CTNNA3: variants seen among roughly 807,000 people sequenced by gnomAD.
CTNNA3 encodes catenin alpha 3.
A neutral mutation model predicts 95.7 loss-of-function variants in CTNNA3; 76 were observed. The ratio of observed to expected loss-of-function variants is 0.79; its 90% CI spans 0.66 to 0.96. The LOEUF is 0.96. CTNNA3 is among the 40% of genes least tolerant of loss of function. The probability of loss-of-function intolerance (pLI) is 0.00; values close to 1 mark genes in which losing one functional copy is unlikely to be tolerated. For missense variants in CTNNA3, 1,191 were observed against 1,089.8 expected, an observed-to-expected ratio of 1.09 and a Z score of -1.31; for synonymous variants, 431 against 374.4, an observed-to-expected ratio of 1.15 and a Z score of -1.74.
chr10:66,737,939 G>A (rs956383748), intron 9 of CTNNA3, among the ~76,000 whole-genome samples: 1 of 152,178 alleles, frequency 6.6e-6, no homozygotes, highest in Non-Finnish European at 1.5e-5. Flanking sequence ...TTACAGGCAT[G>A]AGCCATCGCG....
chr10:66,622,469 A>G (rs1844783812), intron 9 of CTNNA3, among the ~76,000 whole-genome samples: 1 of 152,114 alleles, frequency 6.6e-6, no homozygotes, highest in Non-Finnish European at 1.5e-5. Flanking sequence ...ACCTAAATCC[A>G]AGGTTTACAA....
rs140150137 is a variant in CTNNA3 at position 67,609,913 on chromosome 10, T to A, written c.100-2864A>T. On this transcript the variant is annotated intron_variant, in intron 2 of 17. Coordinates refer to ENST00000433211, the MANE Select transcript of CTNNA3 (RefSeq NM_013266.4). ...AGCTAAATAAGATCATGTGTCTTCA[T>A]CATGGATTATATAAGAATAATAATA... Among the ~76,000 whole-genome samples, 93 of 152,328 alleles carry A rather than the reference T, an allele frequency of 6.1e-4. 2 individuals carry two copies. Among genetic ancestry groups the A allele is most frequent in the African/African-American group, 2.1e-3 (88 of 41,568 alleles).
chr10:66,780,573 T>C (rs1840493194), intron 7 of CTNNA3, among the ~76,000 whole-genome samples: 1 of 152,194 alleles, frequency 6.6e-6, no homozygotes, highest in Non-Finnish European at 1.5e-5. Context: ...AGGATGATGA[T>C]TTCAGCCTGG....
chr10:67,444,639 C>G (rs931645587), intron 5 of CTNNA3, among the ~76,000 whole-genome samples: 1 of 151,808 alleles, frequency 6.6e-6, no homozygotes, highest in Non-Finnish European at 1.5e-5. Flanking sequence ...ACAAAATTGA[C>G]AAACTTTTAG....
At chr10:66,668,769 A>G (rs1181535986) in intron 9 of CTNNA3, among the ~76,000 whole-genome samples, 1 of 151,964 alleles carries the variant, frequency 6.6e-6, no homozygotes, top group Non-Finnish European at 1.5e-5. Flanking sequence ...CTGAGATGGC[A>G]CCACTGCACT....
chr10:66,029,983 A>T (rs2133453511), intron 15 of CTNNA3, among the ~76,000 whole-genome samples: 1 of 152,314 alleles, frequency 6.6e-6, no homozygotes, highest in Middle Eastern at 3.4e-3. Flanking sequence ...AGGCAATTGA[A>T]CAAAGCATGA....
Position 67,180,338 on chromosome 10 carries a change from C to G in CTNNA3, c.1026G>C (p.Leu342=). The G allele has an allele frequency of 6.2e-7, 1 of 1,613,434 alleles. No individual in the cohort carries two copies. The highest frequency in any genetic ancestry group is 8.5e-7 in the Non-Finnish European group (1 of 1,179,846). The stretch of plus-strand genomic sequence containing the variant: ...CTACGTTGTTCATGTACTCTGAAAG[C>G]AGATCCTGAAGAGCCTGGCGAATGG... The part of the protein sequence containing the change: ...CNAIRQALQD[L]LSEYMNNAGK... The change falls in exon 7 of 18, where the codon CTG becomes CTC. Residue 342 remains leucine, a synonymous_variant. Coordinates refer to ENST00000433211, the MANE Select transcript of CTNNA3 (RefSeq NM_013266.4).
intron 13 of CTNNA3, among the ~76,000 whole-genome samples, chr10:66,148,083 C>G (rs979717591): frequency 6.6e-6 from 1 of 151,776 alleles, no homozygotes; most frequent in Non-Finnish European, 1.5e-5. Context: ...CCTTATTGCT[C>G]AAATATTTTC....
chr10:67,136,729 T>C (rs1860323788), intron 7 of CTNNA3, among the ~76,000 whole-genome samples: 1 of 152,144 alleles, frequency 6.6e-6, no homozygotes, highest in African/African-American at 2.4e-5. Context: ...CTGAACTTCC[T>C]CAAAAAAGAA....
At chr10:67,732,585 T>A (rs1035254185) in intron 1 of CTNNA3, among the ~76,000 whole-genome samples, 2 of 152,154 alleles carry the variant, frequency 1.3e-5, no homozygotes, top group African/African-American at 4.8e-5. Context: ...TCAGAGCTCA[T>A]CAGTAATAGA....
intron 7 of CTNNA3, among the ~76,000 whole-genome samples, chr10:66,894,733 T>C (rs1456950852): frequency 1.3e-5 from 2 of 152,006 alleles, no homozygotes; most frequent in Non-Finnish European, 2.9e-5. Context: ...GATTACATTG[T>C]AGATTTTTTC....
At chr10:66,813,003 T>C (rs1841941514) in intron 7 of CTNNA3, among the ~76,000 whole-genome samples, 1 of 152,206 alleles carries the variant, frequency 6.6e-6, no homozygotes, top group Non-Finnish European at 1.5e-5. Context: ...TAGTAGGTTC[T>C]GTTAACACCT....
chr10:67,133,314 T>TATATATATATATATATATATATATAG, intron 7 of CTNNA3, among the ~76,000 whole-genome samples: 1 of 87,080 alleles, frequency 1.1e-5, no homozygotes, highest in African/African-American at 6.3e-5. Context: ...CTGATATATA[T>TATATATATATATATATATATATATAG]ATATATATAT....
chr10:66,571,381 T>C (rs896375948), intron 10 of CTNNA3, among the ~76,000 whole-genome samples: 1 of 152,294 alleles, frequency 6.6e-6, no homozygotes, highest in East Asian at 1.9e-4. Flanking sequence ...ACCCATACTT[T>C]CATATAAATT....
chr10:67,165,178 A>G (rs1272167320), intron 7 of CTNNA3, among the ~76,000 whole-genome samples: 1 of 152,268 alleles, frequency 6.6e-6, no homozygotes, highest in Non-Finnish European at 1.5e-5. Flanking sequence ...GCAATAAAAA[A>G]GAATAAACTA....
intron 12 of CTNNA3, among the ~76,000 whole-genome samples, chr10:66,290,569 A>T (rs995825077): frequency 2.0e-5 from 3 of 152,142 alleles, no homozygotes; most frequent in African/African-American, 7.2e-5. Context: ...AATAAAATGA[A>T]CAATAGTCTT....
At chr10:67,410,627 C>T (rs538753603) in intron 5 of CTNNA3, among the ~76,000 whole-genome samples, 4 of 147,482 alleles carry the variant, frequency 2.7e-5, no homozygotes, top group African/African-American at 7.5e-5. Flanking sequence ...TGCTTCCCCC[C>T]ACCCAAAAAA....
At chr10:66,219,484 C>A (rs1046487207) in intron 13 of CTNNA3, among the ~76,000 whole-genome samples, 1 of 152,054 alleles carries the variant, frequency 6.6e-6, no homozygotes, top group East Asian at 1.9e-4. Flanking sequence ...TTGTGGCTTC[C>A]GTTTTGTTCC....
chr10:66,675,139 C>T (rs1053131640), intron 9 of CTNNA3, among the ~76,000 whole-genome samples: 2 of 152,044 alleles, frequency 1.3e-5, no homozygotes, highest in Non-Finnish European at 2.9e-5. Context: ...GCTGGAAAGA[C>T]TGTCTACTTG....
Sources: gnomAD v4.1 joint callset for allele counts (sites outside exome capture counted in the v4.1 genomes callset) on GRCh38, gnomAD v4.1.1 for gene constraint, MANE v1.5 for transcripts, NCBI Gene and HGNC (gene_info 2026-07-23, HGNC 2026-07-21) for gene names.